FLNB: variants seen among roughly 807,000 people sequenced by gnomAD.
The protein encoded by FLNB is filamin-B.
In FLNB, 111 loss-of-function variants were observed where a neutral mutation model predicts 250.6. That is an observed-to-expected ratio of 0.44 (90% CI 0.38 to 0.52). FLNB has a LOEUF of 0.52. Among genes scored for constraint, FLNB ranks in the 20% least tolerant of loss-of-function variants. The pLI is 0.00. For missense variants in FLNB, 2,869 were observed against 3,447.8 expected (o/e 0.83, Z 4.20); for synonymous variants, 1,302 against 1,372.1 (o/e 0.95, Z 1.13).
chr3:58,129,370 C>T (rs957642734), intron 24 of FLNB, among the ~76,000 whole-genome samples: 1 of 152,174 alleles, frequency 6.6e-6, no homozygotes, highest in African/African-American at 2.4e-5. Flanking sequence ...GTTTATCTTA[C>T]CCGGGTTTGT....
intron 1 of FLNB, among the ~76,000 whole-genome samples, chr3:58,057,934 G>A (rs1445378660): frequency 6.6e-6 from 1 of 152,088 alleles, no homozygotes; most frequent in Non-Finnish European, 1.5e-5. Flanking sequence ...GGGATTACAG[G>A]CATGCGCCAC....
intron 1 of FLNB, among the ~76,000 whole-genome samples, chr3:58,036,902 G>A (rs2097138884): frequency 6.6e-6 from 1 of 152,080 alleles, no homozygotes; most frequent in African/African-American, 2.4e-5. Flanking sequence ...TTTTTGCAAA[G>A]GCAGTTTCAG....
Position 58,136,188 on chromosome 3 carries a change from A to G in FLNB, c.4861+20A>G, listed in dbSNP as rs758789734. Reference sequence around the variant, plus strand: ...CCACGGGTGAGTACAGGGCATCTCAAGGTCAGGGGCACAGGCTTTGCAATC... The same window carrying G: ...CCACGGGTGAGTACAGGGCATCTCAGGGTCAGGGGCACAGGCTTTGCAATC... On this transcript the variant is annotated intron_variant, in intron 28 of 45. Coordinates refer to ENST00000295956, the MANE Select transcript of FLNB (RefSeq NM_001457.4). 1 of 1,613,508 alleles carries G rather than the reference A, an allele frequency of 6.2e-7. No individual in the cohort carries two copies. Among genetic ancestry groups the G allele is most frequent in the South Asian group, 1.1e-5 (1 of 91,046 alleles).
At chr3:58,149,729 CTTTCT>C (rs1031805877) in intron 36 of FLNB, 116 bp from the exon 37 acceptor site, 54 of 1,323,084 alleles carry the variant, frequency 4.1e-5, no homozygotes, top group Admixed American at 1.6e-4. Flanking sequence ...GCCGCCATTG[CTTTCT>C]TTCTGCTATG....
Position 58,142,672 on chromosome 3 carries a change from C to A in FLNB, c.5204C>A (p.Pro1735Gln). ...TAGGTGACCGAAGAGGCCTATGTCC[C>A]AGTGAGTGACATGAACGGCCTGGGA... ...RPWVTEEAYV[P>Q]VSDMNGLGFK... The change falls in exon 31 of 46, where the codon CCA (proline) becomes CAA (glutamine). Residue 1735 changes from proline to glutamine, a missense_variant. Coordinates refer to ENST00000295956, the MANE Select transcript of FLNB (RefSeq NM_001457.4). The surrounding 1 kb of genome is among the most constrained non-coding windows in gnomAD (Gnocchi z 4.3). 1 of 1,614,226 alleles carries A rather than the reference C, an allele frequency of 6.2e-7. No individual in the cohort carries two copies. The highest frequency in any genetic ancestry group is 8.5e-7 in the Non-Finnish European group (1 of 1,180,018).
At chr3:58,072,011 A>G (rs2097195332) in intron 1 of FLNB, among the ~76,000 whole-genome samples, 1 of 152,180 alleles carries the variant, frequency 6.6e-6, no homozygotes, top group Admixed American at 6.5e-5. Context: ...CCAGGACCAG[A>G]GAACTGATTT....
In FLNB at chr3:58,142,953, A is replaced by T. The variant is rs1409524118; in HGVS notation, c.5284+201A>T. Among the ~76,000 whole-genome samples, 1 of 152,230 alleles carries T rather than the reference A, an allele frequency of 6.6e-6. No individual in the cohort carries two copies. Among genetic ancestry groups the T allele is most frequent in the African/African-American group, 2.4e-5 (1 of 41,462 alleles). On this transcript the variant is annotated intron_variant, in intron 31 of 45. Coordinates refer to ENST00000295956, the MANE Select transcript of FLNB (RefSeq NM_001457.4). The surrounding 1 kb of genome is among the most constrained non-coding windows in gnomAD (Gnocchi z 4.3). ...GTGTGTTTCTCTGAAGAAGTGGCTC[A>T]CTGACAACTTGCATTACTTTCTTGA...
intron 29 of FLNB, among the ~76,000 whole-genome samples, chr3:58,141,207 T>C (rs1165739419): frequency 1.3e-5 from 2 of 152,130 alleles, no homozygotes; most frequent in African/African-American, 4.8e-5. Context: ...AAGCTGAGAT[T>C]GCGCCACTGC....
At chr3:58,038,963 A>C (rs562558110) in intron 1 of FLNB, among the ~76,000 whole-genome samples, 1 of 151,672 alleles carries the variant, frequency 6.6e-6, no homozygotes, top group African/African-American at 2.4e-5. Flanking sequence ...ATGGTGGCTC[A>C]TGCCTGTAAT....
At position 58,068,114 on chromosome 3, in the gene FLNB, G is replaced by A. The variant is rs567697175; in HGVS notation, c.293-8932G>A. On this transcript the variant is annotated intron_variant, in intron 1 of 45. Transcript: ENST00000295956. ...TGCCCACTGTTCAGGTCCTGAAGCCGTGGCTCATTTCATATCATTTGTTGC... is the reference window on the plus strand; with the variant it reads ...TGCCCACTGTTCAGGTCCTGAAGCCATGGCTCATTTCATATCATTTGTTGC... Among the ~76,000 whole-genome samples the A allele has an allele frequency of 3.9e-5, 6 of 152,270 alleles. 1 individual carries two copies. In the South Asian group the frequency reaches 1.0e-3, roughly 26 times the overall value.
intron 1 of FLNB, among the ~76,000 whole-genome samples, chr3:58,044,767 A>AC (rs1412284037): frequency 6.6e-6 from 1 of 151,954 alleles, no homozygotes; most frequent in Admixed American, 6.6e-5. Flanking sequence ...GCACCTTGGG[A>AC]CCCCCCTGAA....
At chr3:58,112,103 C>A in intron 17 of FLNB, 46 bp from the exon 18 acceptor site, 2 of 1,589,894 alleles carry the variant, frequency 1.3e-6, no homozygotes, top group Non-Finnish European at 8.6e-7. Context: ...CAAAGTGAAA[C>A]TACTCCAGCT....
At chr3:58,055,009 G>A (rs1429882744) in intron 1 of FLNB, among the ~76,000 whole-genome samples, 1 of 152,204 alleles carries the variant, frequency 6.6e-6, no homozygotes, top group Admixed American at 6.5e-5. Context: ...GCTCATGCCT[G>A]TAATTCCAGC....
chr3:58,063,467 T>TC (rs1458792372), intron 1 of FLNB, among the ~76,000 whole-genome samples: 1 of 152,102 alleles, frequency 6.6e-6, no homozygotes, highest in African/African-American at 2.4e-5. Flanking sequence ...AGTTGAGCCG[T>TC]CAGCTGAGCT....
In FLNB at chr3:58,008,784, C is replaced by T. The variant is rs1186772418; in HGVS notation, c.220C>T (p.Gln74Ter). ...GTACCATCAGCGGCCCACCTTTCGCCAGATGCAGCTCGAGAATGTGTCCGT... is the reference window on the plus strand; with the variant it reads ...GTACCATCAGCGGCCCACCTTTCGCTAGATGCAGCTCGAGAATGTGTCCGT... ...RKYHQRPTFR[Q>*]MQLENVSVAL... is the part of the protein sequence containing the mutation. The change falls in exon 1 of 46, where the codon CAG (glutamine) becomes TAG (stop). Residue 74 changes from glutamine to a stop codon, truncating the protein, a stop_gained. Transcript: ENST00000295956. LOFTEE classifies it high-confidence loss of function. The T allele has an allele frequency of 1.9e-6, 3 of 1,613,974 alleles. No homozygotes were observed. Among genetic ancestry groups the T allele is most frequent in the South Asian group, 2.2e-5 (2 of 91,074 alleles).
At chr3:58,026,743 C>G (rs2097124139) in intron 1 of FLNB, among the ~76,000 whole-genome samples, 1 of 152,164 alleles carries the variant, frequency 6.6e-6, no homozygotes, top group African/African-American at 2.4e-5. Flanking sequence ...CACCAGCTGC[C>G]TGCTGTTCAT....
In FLNB at chr3:58,123,435, G is replaced by A. The variant is rs1131356; in HGVS notation, c.3469G>A (p.Asp1157Asn). The A allele has an allele frequency of 0.3, 483,210 of 1,611,670 alleles. 87,559 individuals carry two copies. The highest frequency in any genetic ancestry group is 0.92 in the East Asian group (41,440 of 44,814). The change falls in exon 21 of 46, where the codon GAC becomes AAC. Residue 1157 changes from aspartate to asparagine, a missense_variant. By Grantham distance (23) the Asp-to-Asn change is conservative. Coordinates refer to ENST00000295956, the MANE Select transcript of FLNB (RefSeq NM_001457.4). ...KVGEAGLLSV[D>N]CSEAGPGALG... ...GGGTGAAGCTGGCCTCCTTAGCGTC[G>A]ACTGCTCGGAAGCGGGACCGGGGGC... is the stretch of plus-strand genomic sequence containing the variant.
intron 18 of FLNB, among the ~76,000 whole-genome samples, chr3:58,117,795 T>G (rs1427169799): frequency 6.6e-6 from 1 of 150,902 alleles, no homozygotes; most frequent in Non-Finnish European, 1.5e-5. Flanking sequence ...AACCAGTTTT[T>G]TTTTTTTTTT....
chr3:58,016,120 C>T (rs758971767), intron 1 of FLNB, among the ~76,000 whole-genome samples: 2 of 151,678 alleles, frequency 1.3e-5, no homozygotes, highest in Non-Finnish European at 2.9e-5. Context: ...AGTACAGTGG[C>T]ATGATCTCGG....
Sources: gnomAD v4.1 joint callset for allele counts (sites outside exome capture counted in the v4.1 genomes callset) on GRCh38, gnomAD v4.1.1 for gene constraint, Gnocchi (gnomAD v3.1) non-coding constraint, MANE v1.5 for transcripts, NCBI Gene and HGNC (gene_info 2026-07-23, HGNC 2026-07-21) for gene names.